The following CAMTA1 variants were observed in gnomAD, a reference collection of about 807,000 sequenced individuals.
CAMTA1 encodes the protein calmodulin binding transcription activator 1, also known as calmodulin-binding transcription activator 1.
CAMTA1 carries 27 observed loss-of-function variants against 170.9 expected under a neutral mutation model. The observed-to-expected ratio is 0.16, with a 90% CI of 0.12 to 0.22. The LOEUF (loss-of-function observed/expected upper bound fraction) is 0.22, where lower values mean the gene tolerates loss of function less well. Ranked by LOEUF, CAMTA1 falls within the 10% of genes least tolerant of loss-of-function variation. CAMTA1 has a pLI of 1.00. For synonymous variants in CAMTA1, 833 were observed against 891.5 expected, an observed-to-expected ratio of 0.93 and a Z score of 1.17; for missense variants, 1,619 against 2,217.2, an observed-to-expected ratio of 0.73 and a Z score of 5.42.
At chr1:7,472,916 G>T (rs1449962135) in intron 6 of CAMTA1, among the ~76,000 whole-genome samples, 1 of 152,182 alleles carries the variant, frequency 6.6e-6, no homozygotes, top group Non-Finnish European at 1.5e-5. Context: ...TGGCCCCAAA[G>T]GGCCCCCATG....
chr1:7,271,281 A>C (rs1027635315), intron 5 of CAMTA1, among the ~76,000 whole-genome samples: 1 of 152,170 alleles, frequency 6.6e-6, no homozygotes, highest in African/African-American at 2.4e-5. Context: ...CGCCACCTAC[A>C]AGCCGGGAAG....
rs569785064 is a variant in CAMTA1, at chr1:7,141,469, G to A, written c.302+50098G>A. Among the ~76,000 whole-genome samples, 4 of 152,258 alleles carry A rather than the reference G, an allele frequency of 2.6e-5. No homozygotes were observed. In the South Asian group the frequency reaches 8.3e-4, roughly 32 times the overall value. ...TCATTATCCCCTTGTCATGGCTAAC[G>A]TCTCCAGATCGCCCATGGAAGATAT... On this transcript the variant is annotated intron_variant, in intron 4 of 22. Coordinates refer to ENST00000303635, the MANE Select transcript of CAMTA1 (RefSeq NM_015215.4).
intron 6 of CAMTA1, among the ~76,000 whole-genome samples, chr1:7,538,784 A>G (rs1020669583): frequency 3.9e-5 from 6 of 152,188 alleles, no homozygotes; most frequent in Non-Finnish European, 7.3e-5. Flanking sequence ...CTGCCTCTCC[A>G]TTGGTGGCCC....
rs1224786664 is a variant in CAMTA1, at chr1:7,310,666, TCTTTC to T, written c.438+61046_438+61050del. On this transcript the variant is annotated intron_variant, in intron 5 of 22. Coordinates refer to ENST00000303635, the MANE Select transcript of CAMTA1 (RefSeq NM_015215.4). ...TTTCTTTTTTCTTTCTTTCTTTCTT[TCTTTC>T]CTTTCTTTCTCTCTCTCTCTCTCTC... 2.3e-3 allele frequency among the ~76,000 whole-genome samples: 110 copies of T among 47,652 alleles called. 1 individual carries two copies. The highest frequency in any genetic ancestry group is 9.3e-3 in the Middle Eastern group (1 of 108). The allele number at this position is 47,652 out of a possible 152,430, so 31.3% of individuals were successfully genotyped here. A position where few individuals can be genotyped will look rare whatever the true frequency, so the allele number is the denominator to read the frequency against.
intron 4 of CAMTA1, among the ~76,000 whole-genome samples, chr1:7,226,320 T>C (rs758214182): frequency 2.7e-4 from 41 of 152,188 alleles, no homozygotes; most frequent in Non-Finnish European, 5.3e-4. Flanking sequence ...GATTTCCACT[T>C]GCCTTCAGGC....
intron 4 of CAMTA1, among the ~76,000 whole-genome samples, chr1:7,197,629 CACA>C (rs1258373248): frequency 3.7e-4 from 8 of 21,802 alleles, no homozygotes; most frequent in Non-Finnish European, 5.3e-4. Flanking sequence ...TGTCCCCCAC[CACA>C]CACACACACA....
intron 3 of CAMTA1, among the ~76,000 whole-genome samples, chr1:6,843,626 C>T (rs1168969789): frequency 1.3e-5 from 2 of 152,164 alleles, no homozygotes; most frequent in African/African-American, 2.4e-5. Flanking sequence ...ATTACAGGCA[C>T]GCACCACCAT....
rs977059719 is a variant in CAMTA1 at position 7,157,187 on chromosome 1, C to CA, written c.302+65824dup. On this transcript the variant is annotated intron_variant, in intron 4 of 22. Coordinates refer to ENST00000303635, the MANE Select transcript of CAMTA1 (RefSeq NM_015215.4). ...TGAAACCCCATCTCTACTAAAAATA[C>CA]AAAAAAAATTAGCCGGGCGTGGTGG... Among the ~76,000 whole-genome samples the CA allele has an allele frequency of 9.3e-5, 14 of 150,678 alleles. 1 individual carries two copies. Among genetic ancestry groups the CA allele is most frequent in the African/African-American group, 2.7e-4 (11 of 41,004 alleles).
At chr1:6,858,906 G>A (rs943346282) in intron 3 of CAMTA1, among the ~76,000 whole-genome samples, 5 of 152,158 alleles carry the variant, frequency 3.3e-5, no homozygotes, top group African/African-American at 1.2e-4. Context: ...CTGCCTTATA[G>A]TTAAAGGACT....
At chr1:6,807,087 A>T (rs926264727) in intron 1 of CAMTA1, 5 of 633,872 alleles carry the variant, frequency 7.9e-6, no homozygotes, top group Non-Finnish European at 1.4e-5. Context: ...AGTGCTGTGA[A>T]GGTGCGTGCA....
chr1:6,892,597 C>CTTT lies in CAMTA1; in HGVS notation c.234+67402_234+67404dup, dbSNP rs70984032. On this transcript the variant is annotated intron_variant, in intron 3 of 22. Transcript: ENST00000303635. ...TCTTCCAAGCAAATTTTTTTCTTTT[C>CTTT]TTTTTTTTTTTTTTTTTGCAAATGT... Among the ~76,000 whole-genome samples, 48 of 120,840 alleles carry CTTT rather than the reference C, an allele frequency of 4.0e-4. No homozygotes were observed. The East Asian group carries it at 5.5e-3, about 14-fold the overall frequency. 79.3% of individuals were successfully genotyped at this position (120,840 alleles called of 152,430 possible). A position where few individuals can be genotyped will look rare whatever the true frequency, so the allele number is the denominator to read the frequency against.
At chr1:6,905,923 C>T (rs1226267184) in intron 3 of CAMTA1, among the ~76,000 whole-genome samples, 2 of 152,154 alleles carry the variant, frequency 1.3e-5, no homozygotes, top group Non-Finnish European at 2.9e-5. Flanking sequence ...GGAGTGGCTC[C>T]TGCTGCTGGT....
chr1:7,385,665 G>A (rs544293162), intron 5 of CAMTA1, among the ~76,000 whole-genome samples: 3 of 152,268 alleles, frequency 2.0e-5, no homozygotes, highest in Non-Finnish European at 4.4e-5. Flanking sequence ...GGCCAGCCCC[G>A]AGGCCTGTTG....
chr1:6,914,704 GGCCAGGTCTGGCTTGAACGA>G (rs1571664996), intron 3 of CAMTA1, among the ~76,000 whole-genome samples: 1 of 152,198 alleles, frequency 6.6e-6, no homozygotes, highest in Non-Finnish European at 1.5e-5. Flanking sequence ...CCCTCTTTAA[GGCCAGGTCTGGCTTGAACGA>G]GCCAGGGGCT....
intron 1 of CAMTA1, among the ~76,000 whole-genome samples, chr1:6,793,161 G>T (rs1641619256): frequency 6.6e-6 from 1 of 152,086 alleles, no homozygotes; most frequent in Non-Finnish European, 1.5e-5. Flanking sequence ...GCCCAGCTCT[G>T]ATTGGTTCTG....
intron 16 of CAMTA1, among the ~76,000 whole-genome samples, chr1:7,744,514 C>T (rs1017545681): frequency 2.6e-5 from 4 of 152,162 alleles, no homozygotes; most frequent in Non-Finnish European, 4.4e-5. Context: ...ATTAATATTA[C>T]AGGTTACTCT....
intron 12 of CAMTA1, among the ~76,000 whole-genome samples, chr1:7,734,786 C>G (rs1008627804): frequency 1.3e-5 from 2 of 151,904 alleles, no homozygotes; most frequent in East Asian, 3.9e-4. Context: ...TAAAAATCAG[C>G]GAGGAGCCAT....
intron 3 of CAMTA1, among the ~76,000 whole-genome samples, chr1:6,974,931 C>T (rs1191866218): frequency 6.6e-6 from 1 of 152,202 alleles, no homozygotes; most frequent in Admixed American, 6.5e-5. Context: ...TTGCTATCTT[C>T]CTTGGACAAG....
rs755334866 is a variant in CAMTA1, at chr1:7,737,333, G to A, written c.3421G>A (p.Asp1141Asn). ...GGACCGTCGGGCCATCTCGATTCCC[G>A]ACTCTCTAGGAAGGCTGCCTTTGGG... ...KWDRRAISIP[D>N]SLGRLPLGIA... Residue 1141 changes from aspartate (D) to asparagine (N), a missense_variant, in exon 15 of 23, where the codon GAC becomes AAC. This residue lies in a region of CAMTA1 where 60 missense variants were observed against 128.5 expected (regional missense o/e 0.47). Coordinates refer to ENST00000303635, the MANE Select transcript of CAMTA1 (RefSeq NM_015215.4). 7 of 1,614,034 alleles carry A rather than the reference G, an allele frequency of 4.3e-6. No individual in the cohort carries two copies. The highest frequency in any genetic ancestry group is 4.5e-5 in the East Asian group (2 of 44,894).
Sources: allele counts gnomAD v4.1 joint callset (sites outside exome capture counted in the v4.1 genomes callset), GRCh38; gene constraint gnomAD v4.1.1; regional missense constraint gnomAD v4.1.1; transcripts MANE v1.5; gene names NCBI Gene and HGNC (gene_info 2026-07-23, HGNC 2026-07-21).